Variants in ARHGAP42 observed in about 807,000 individuals in gnomAD.
The protein encoded by ARHGAP42 is Rho GTPase activating protein 42, also known as rho GTPase-activating protein 42.
In ARHGAP42, 63 loss-of-function variants were observed where a neutral mutation model predicts 125.0. That is an observed-to-expected ratio of 0.50 (90% CI 0.41 to 0.62). The LOEUF (loss-of-function observed/expected upper bound fraction) is 0.62, where lower values mean the gene tolerates loss of function less well. ARHGAP42 is among the 20% of genes least tolerant of loss of function. The pLI, the probability that ARHGAP42 is intolerant of heterozygous loss-of-function variation, is 0.00. For synonymous variants in ARHGAP42, 339 were observed against 351.0 expected (o/e 0.97, Z 0.38); for missense variants, 766 against 1,024.2 (o/e 0.75, Z 3.44).
chr11:100,940,233 A>C (rs1021484468), intron 8 of ARHGAP42, among the ~76,000 whole-genome samples: 26 of 152,180 alleles, frequency 1.7e-4, no homozygotes, highest in African/African-American at 6.0e-4. Context: ...TGGCTCATGA[A>C]ACACTTTTCT....
rs927616203 is a variant in ARHGAP42 at position 100,943,763 on chromosome 11, G to A, written c.938G>A (p.Gly313Asp). Residue 313 changes from glycine to aspartate, a missense_variant, in exon 10 of 24, where the codon GGC (glycine) becomes GAC (aspartate). Gly to Asp is a moderately conservative substitution (Grantham distance 94). This residue lies in a region of ARHGAP42 where 455 missense variants were observed against 636.5 expected (regional missense o/e 0.71). Transcript: ENST00000298815. ...GTGGTACTCTTCTTGTTTCAGAATG[G>A]CCTTGTTACTAGCTCACCGGAAATG... Reference protein sequence around the residue: ...SEMKSSGKMNGLVTSSPEMFK... With the variant: ...SEMKSSGKMNDLVTSSPEMFK... The A allele has an allele frequency of 3.2e-6, 5 of 1,545,814 alleles. No homozygotes were observed. The highest frequency in any genetic ancestry group is 2.5e-5 in the East Asian group (1 of 40,782).
At chr11:100,882,560 T>C (rs1865987022) in intron 4 of ARHGAP42, among the ~76,000 whole-genome samples, 3 of 151,982 alleles carry the variant, frequency 2.0e-5, no homozygotes. Flanking sequence ...TCTGTAGTTT[T>C]CTCTTTTGGT....
chr11:100,991,932 C>G lies in ARHGAP42; in HGVS notation c.*3131C>G, dbSNP rs1159444908. 1 of 169,126 alleles carries G rather than the reference C, an allele frequency of 5.9e-6. No individual in the cohort carries two copies. The highest frequency in any genetic ancestry group is 2.4e-5 in the African/African-American group (1 of 42,156). 10.5% of individuals were successfully genotyped at this position (169,126 alleles called of 1,614,324 possible). A position where few individuals can be genotyped will look rare whatever the true frequency, so the allele number is the denominator to read the frequency against. On this transcript the variant is annotated 3_prime_UTR_variant, in exon 24 of 24. Transcript: ENST00000298815. Reference sequence around the variant, plus strand: ...GTAGGAAAAATAAAGATACATATGACTTTTATTATTATTCGATGATAATTA... The same window carrying G: ...GTAGGAAAAATAAAGATACATATGAGTTTTATTATTATTCGATGATAATTA...
intron 9 of ARHGAP42, 38 bp from the exon 10 acceptor site, chr11:100,943,721 G>A (rs1027754958): frequency 7.4e-7 from 1 of 1,349,000 alleles, no homozygotes; most frequent in African/African-American, 1.5e-5. Context: ...CAATTCACTT[G>A]TCAGCATGTT....
chr11:100,766,142 CTTCTT>C (rs1862822881), intron 1 of ARHGAP42, among the ~76,000 whole-genome samples: 1 of 151,802 alleles, frequency 6.6e-6, no homozygotes, highest in South Asian at 2.1e-4. Flanking sequence ...CCCAGTGTAA[CTTCTT>C]TTGAGTTATG....
chr11:100,926,142 T>A (rs1036004127), intron 6 of ARHGAP42, among the ~76,000 whole-genome samples: 6 of 152,190 alleles, frequency 3.9e-5, no homozygotes, highest in Non-Finnish European at 7.4e-5. Flanking sequence ...AGCTGTAAAC[T>A]TGTGTGTGTG....
intron 12 of ARHGAP42, among the ~76,000 whole-genome samples, chr11:100,959,392 G>A (rs1857896710): frequency 6.6e-6 from 1 of 152,048 alleles, no homozygotes. Context: ...TCAGACCCGA[G>A]TTTGAATCCT....
At chr11:100,933,357 A>C (rs626529) in intron 7 of ARHGAP42, 97 bp downstream of exon 7, 1 of 823,424 alleles carries the variant, frequency 1.2e-6, no homozygotes, top group Admixed American at 3.2e-5. Context: ...CTAGTGGAAA[A>C]TACAACCCAC....
At chr11:100,759,121 A>G (rs769797601) in intron 1 of ARHGAP42, among the ~76,000 whole-genome samples, 4 of 152,234 alleles carry the variant, frequency 2.6e-5, no homozygotes, top group South Asian at 2.1e-4. Flanking sequence ...GTTAGCAGGT[A>G]AAAATGTCCG....
chr11:100,687,868 C>G, intron 1 of ARHGAP42, 36 bp downstream of exon 1: 1 of 1,509,112 alleles, frequency 6.6e-7, no homozygotes, highest in African/African-American at 1.4e-5. Context: ...ACACCCGCAT[C>G]TGGAGAGTCC....
intron 3 of ARHGAP42, among the ~76,000 whole-genome samples, chr11:100,855,622 G>A (rs1262414010): frequency 5.3e-5 from 8 of 151,898 alleles, no homozygotes; most frequent in Admixed American, 1.3e-4. Context: ...ACATAAAAGC[G>A]TTTCTAGCCA....
intron 1 of ARHGAP42, among the ~76,000 whole-genome samples, chr11:100,703,853 C>G (rs909199464): frequency 9.8e-5 from 15 of 152,322 alleles, no homozygotes; most frequent in Middle Eastern, 3.4e-3. Flanking sequence ...ACAGGCCAAA[C>G]TGCAGATGAC....
intron 21 of ARHGAP42, among the ~76,000 whole-genome samples, chr11:100,978,034 T>C (rs1255557234): frequency 1.3e-5 from 2 of 152,162 alleles, no homozygotes; most frequent in Non-Finnish European, 2.9e-5. Flanking sequence ...GTTACAGTGG[T>C]ATAGGCAAAT....
At chr11:100,797,924 T>C (rs1863759970) in intron 3 of ARHGAP42, among the ~76,000 whole-genome samples, 1 of 152,198 alleles carries the variant, frequency 6.6e-6, no homozygotes, top group African/African-American at 2.4e-5. Flanking sequence ...GGTTAAAATA[T>C]CAACTGAAGT....
Position 100,806,837 on chromosome 11 carries a change from G to GTTTGTTTATTTA in ARHGAP42, c.312+11674_312+11675insGTTTATTTATTT, listed in dbSNP as rs1170787108. Reference sequence around the variant, plus strand: ...AAATTTTTTATTTGTTTGTTTGTTTGTTTATTTATTTATTTATTTATTTAT... The same window carrying GTTTGTTTATTTA: ...AAATTTTTTATTTGTTTGTTTGTTTGTTTGTTTATTTATTTATTTATTTATTTATTTATTTAT... On this transcript the variant is annotated intron_variant, in intron 3 of 23. Transcript: ENST00000298815. Among the ~76,000 whole-genome samples the GTTTGTTTATTTA allele has an allele frequency of 5.1e-3, 760 of 149,442 alleles. 12 individuals are homozygous for GTTTGTTTATTTA. The highest frequency in any genetic ancestry group is 0.018 in the African/African-American group (719 of 40,442).
intron 4 of ARHGAP42, among the ~76,000 whole-genome samples, chr11:100,869,803 A>C (rs1865658376): frequency 6.6e-6 from 1 of 152,168 alleles, no homozygotes; most frequent in Non-Finnish European, 1.5e-5. Flanking sequence ...ATCTCTTATA[A>C]TTTGATGGTA....
intron 1 of ARHGAP42, among the ~76,000 whole-genome samples, chr11:100,689,872 T>C (rs763045890): frequency 4.6e-5 from 7 of 152,198 alleles, no homozygotes; most frequent in African/African-American, 7.2e-5. Context: ...GAAGTCACAC[T>C]GTAGCACTGA....
intron 3 of ARHGAP42, among the ~76,000 whole-genome samples, chr11:100,814,641 A>G (rs570542226): frequency 6.6e-6 from 1 of 152,170 alleles, no homozygotes; most frequent in African/African-American, 2.4e-5. Context: ...GGAAGTAGGA[A>G]CATCTTACAT....
chr11:100,962,903 A>T (rs1857991824), intron 16 of ARHGAP42, among the ~76,000 whole-genome samples: 1 of 152,134 alleles, frequency 6.6e-6, no homozygotes, highest in African/African-American at 2.4e-5. Context: ...AAAAGTTGTT[A>T]ATCTGATATT....
Sources: allele counts gnomAD v4.1 joint callset (sites outside exome capture counted in the v4.1 genomes callset), GRCh38; gene constraint gnomAD v4.1.1; regional missense constraint gnomAD v4.1.1; transcripts MANE v1.5; gene names NCBI Gene and HGNC (gene_info 2026-07-23, HGNC 2026-07-21).